Variants in CADPS2 observed in about 807,000 individuals in gnomAD.
CADPS2 encodes the protein calcium dependent secretion activator 2.
CADPS2 carries 93 observed loss-of-function variants against 172.5 expected under a neutral mutation model. That is an observed-to-expected ratio of 0.54 (90% CI 0.46 to 0.64). The LOEUF is 0.64. Ranked by LOEUF, CADPS2 falls within the 30% of genes least tolerant of loss-of-function variation. The probability of loss-of-function intolerance (pLI) is 0.00; values close to 1 mark genes in which losing one functional copy is unlikely to be tolerated. For missense variants in CADPS2, 1,420 were observed against 1,565.9 expected (o/e 0.91, Z 1.57); for synonymous variants, 546 against 555.2 (o/e 0.98, Z 0.23).
At chr7:122,515,914 T>C (rs1563566501) in intron 8 of CADPS2, among the ~76,000 whole-genome samples, 1 of 151,422 alleles carries the variant, frequency 6.6e-6, no homozygotes, top group South Asian at 2.1e-4. Flanking sequence ...AATTTCTTTA[T>C]TAAAAAGTTT....
chr7:122,396,502 T>C lies in CADPS2; in HGVS notation c.2747-2920A>G, dbSNP rs544452252. On this transcript the variant is annotated intron_variant, in intron 20 of 29. Coordinates refer to ENST00000449022, the MANE Select transcript of CADPS2 (RefSeq NM_017954.11). ...AACTAAGAATGTCACTCCTAAAGATTATAATCCTTTAGTGGATCATTATGA... is the reference window on the plus strand; with the variant it reads ...AACTAAGAATGTCACTCCTAAAGATCATAATCCTTTAGTGGATCATTATGA... Among the ~76,000 whole-genome samples, 7 of 152,296 alleles carry C rather than the reference T, an allele frequency of 4.6e-5. No individual in the cohort carries two copies. The East Asian group carries it at 7.7e-4, about 17-fold the overall frequency.
At chr7:122,419,299 G>T (rs1258637495) in intron 17 of CADPS2, among the ~76,000 whole-genome samples, 2 of 152,202 alleles carry the variant, frequency 1.3e-5, no homozygotes, top group Non-Finnish European at 2.9e-5. Flanking sequence ...GGATAAGAGA[G>T]CATGCTCACG....
At chr7:122,804,715 T>C (rs941055779) in intron 1 of CADPS2, among the ~76,000 whole-genome samples, 4 of 152,214 alleles carry the variant, frequency 2.6e-5, no homozygotes, top group Admixed American at 6.5e-5. Flanking sequence ...TGTTCCTATA[T>C]CAAATGATGC....
chr7:122,778,009 G>A (rs2093938192), intron 1 of CADPS2, among the ~76,000 whole-genome samples: 3 of 152,066 alleles, frequency 2.0e-5, no homozygotes. Context: ...GGAAAATGTG[G>A]GAAAGTTTGG....
At chr7:122,700,622 G>GA (rs2085899070) in intron 2 of CADPS2, among the ~76,000 whole-genome samples, 2 of 152,026 alleles carry the variant, frequency 1.3e-5, no homozygotes, top group East Asian at 1.9e-4. Context: ...TCATCTACTA[G>GA]AAAAAAGGAA....
chr7:122,406,017 G>A (rs1005138345), intron 20 of CADPS2, among the ~76,000 whole-genome samples: 4 of 152,290 alleles, frequency 2.6e-5, no homozygotes, highest in East Asian at 1.9e-4. Context: ...ACAGAGAGAC[G>A]TGAATCTGTC....
chr7:122,520,878 C>G (rs2060733553), intron 8 of CADPS2, among the ~76,000 whole-genome samples: 1 of 152,016 alleles, frequency 6.6e-6, no homozygotes, highest in Admixed American at 6.6e-5. Context: ...GATGAAAAAT[C>G]ATCACTAATG....
intron 8 of CADPS2, among the ~76,000 whole-genome samples, chr7:122,514,802 G>A (rs2060237780): frequency 6.6e-6 from 1 of 152,042 alleles, no homozygotes. Context: ...TGCTGCCAAT[G>A]AAATTATGTT....
intron 12 of CADPS2, among the ~76,000 whole-genome samples, chr7:122,478,130 T>C (rs1352401939): frequency 6.6e-6 from 1 of 152,236 alleles, no homozygotes; most frequent in African/African-American, 2.4e-5. Flanking sequence ...AACATGCTTT[T>C]TAGTCAATTA....
At chr7:122,422,319 G>A (rs899602718) in intron 17 of CADPS2, among the ~76,000 whole-genome samples, 1 of 152,162 alleles carries the variant, frequency 6.6e-6, no homozygotes, top group African/African-American at 2.4e-5. Context: ...CAAAGGCACA[G>A]CATCTAATTT....
chr7:122,705,528 AT>A, intron 2 of CADPS2, among the ~76,000 whole-genome samples: 1 of 120,514 alleles, frequency 8.3e-6, no homozygotes, highest in East Asian at 2.2e-4. Context: ...TATATTGTGT[AT>A]TATCTATATT....
chr7:122,847,950 A>T (rs1327726191), intron 1 of CADPS2, among the ~76,000 whole-genome samples: 1 of 152,236 alleles, frequency 6.6e-6, no homozygotes, highest in Non-Finnish European at 1.5e-5. Flanking sequence ...ATATGAAAAC[A>T]GCAATAATAG....
intron 1 of CADPS2, among the ~76,000 whole-genome samples, chr7:122,806,278 T>C (rs1798779071): frequency 6.6e-6 from 1 of 152,238 alleles, no homozygotes; most frequent in African/African-American, 2.4e-5. Flanking sequence ...ATTGTGATGA[T>C]CTCAGTTCTA....
At chr7:122,598,833 A>G (rs761172308) in intron 6 of CADPS2, among the ~76,000 whole-genome samples, 2 of 152,122 alleles carry the variant, frequency 1.3e-5, no homozygotes, top group Non-Finnish European at 2.9e-5. Context: ...ACGATGTTGA[A>G]TAAGACCTGC....
At chr7:122,720,850 C>T (rs1036201200) in intron 2 of CADPS2, among the ~76,000 whole-genome samples, 5 of 151,898 alleles carry the variant, frequency 3.3e-5, no homozygotes, top group South Asian at 4.2e-4. Flanking sequence ...TTAAATTTAC[C>T]GACATAAAGC....
At chr7:122,622,035 G>A (rs755459178) in intron 4 of CADPS2, among the ~76,000 whole-genome samples, 8 of 152,158 alleles carry the variant, frequency 5.3e-5, no homozygotes, top group South Asian at 2.1e-4. Context: ...ATATTTTAGC[G>A]TATAGATGAA....
intron 4 of CADPS2, among the ~76,000 whole-genome samples, chr7:122,627,514 G>A (rs2076193924): frequency 6.6e-6 from 1 of 152,104 alleles, no homozygotes; most frequent in East Asian, 1.9e-4. Context: ...GTTCTCTCAA[G>A]GAGAAGCCTT....
intron 2 of CADPS2, among the ~76,000 whole-genome samples, chr7:122,705,888 A>AATATAATATATAATATAAAAT (rs1564124138): frequency 0.024 from 44 of 1,840 alleles, 15 homozygotes; most frequent in African/African-American, 0.054. Context: ...TAATATAATA[A>AATATAATATATAATATAAAAT]ATATAATATA....
intron 12 of CADPS2, among the ~76,000 whole-genome samples, chr7:122,479,197 C>T (rs535039851): frequency 6.6e-6 from 1 of 152,128 alleles, no homozygotes; most frequent in Admixed American, 6.6e-5. Flanking sequence ...CAAAACAGAG[C>T]TGAACTAAGA....
Sources: allele counts gnomAD v4.1 joint callset (sites outside exome capture counted in the v4.1 genomes callset), GRCh38; gene constraint gnomAD v4.1.1; transcripts MANE v1.5; gene names NCBI Gene and HGNC (gene_info 2026-07-23, HGNC 2026-07-21).